The following CUBN variants were observed in gnomAD, a reference collection of about 807,000 sequenced individuals.
The protein encoded by CUBN is cubilin.
A neutral mutation model predicts 405.3 loss-of-function variants in CUBN; 282 were observed. That is an observed-to-expected ratio of 0.70 (90% confidence interval 0.63 to 0.77). The LOEUF is 0.77. Ranked by LOEUF, CUBN falls within the 30% of genes least tolerant of loss-of-function variation. CUBN has a pLI of 0.00. For missense variants in CUBN, 4,514 were observed against 4,475.2 expected (o/e 1.01, Z -0.25); for synonymous variants, 1,684 against 1,617.0 (o/e 1.04, Z -0.99).
intron 32 of CUBN, among the ~76,000 whole-genome samples, chr10:16,954,131 T>C (rs928903273): frequency 3.4e-4 from 52 of 152,272 alleles, no homozygotes; most frequent in Non-Finnish European, 7.1e-4. Flanking sequence ...GGATAAAACT[T>C]TTTTATACTG....
chr10:16,917,869 T>C (rs556491988), intron 45 of CUBN, among the ~76,000 whole-genome samples: 1 of 152,324 alleles, frequency 6.6e-6, no homozygotes, highest in East Asian at 1.9e-4. Flanking sequence ...ACATATTCAT[T>C]CTATAATAAC....
At chr10:16,846,530 C>T (rs966584594) in intron 60 of CUBN, among the ~76,000 whole-genome samples, 3 of 151,988 alleles carry the variant, frequency 2.0e-5, no homozygotes, top group Non-Finnish European at 2.9e-5. Flanking sequence ...AAAATATTGG[C>T]TATGAAAAGG....
chr10:17,032,161 G>C (rs1834801203), intron 27 of CUBN, among the ~76,000 whole-genome samples: 1 of 152,198 alleles, frequency 6.6e-6, no homozygotes, highest in African/African-American at 2.4e-5. Context: ...GTGTAAGGGT[G>C]AGAAACCATT....
At chr10:16,963,883 C>T (rs1381433110) in intron 31 of CUBN, among the ~76,000 whole-genome samples, 1 of 152,122 alleles carries the variant, frequency 6.6e-6, no homozygotes. Flanking sequence ...TGGATATATG[C>T]ATATAATGAA....
chr10:17,078,612 G>C (rs1835901950), intron 17 of CUBN, among the ~76,000 whole-genome samples: 1 of 152,070 alleles, frequency 6.6e-6, no homozygotes, highest in Non-Finnish European at 1.5e-5. Flanking sequence ...CCATTCCCTA[G>C]CATGGTGACT....
At chr10:17,009,975 C>A (rs1428731129) in intron 28 of CUBN, among the ~76,000 whole-genome samples, 3 of 152,228 alleles carry the variant, frequency 2.0e-5, no homozygotes, top group African/African-American at 7.2e-5. Flanking sequence ...TCTCATTTCT[C>A]CAGTCTCAAC....
At chr10:16,900,498 G>C in intron 53 of CUBN, 127 bp downstream of exon 53, 1 of 773,442 alleles carries the variant, frequency 1.3e-6, no homozygotes, top group Non-Finnish European at 2.3e-6. Context: ...CAGGGTTGCT[G>C]CATGAGATGA....
intron 51 of CUBN, among the ~76,000 whole-genome samples, chr10:16,903,150 T>C (rs1227688145): frequency 6.6e-6 from 1 of 152,200 alleles, no homozygotes; most frequent in Non-Finnish European, 1.5e-5. Context: ...AAATAAATCT[T>C]TCATATAATT....
At chr10:16,978,777 C>A (rs59711315) in intron 31 of CUBN, among the ~76,000 whole-genome samples, 1 of 151,890 alleles carries the variant, frequency 6.6e-6, no homozygotes. Flanking sequence ...TCAGGTAGCC[C>A]GGAACAAGAC....
At chr10:17,103,428 G>C (rs1456300560) in intron 12 of CUBN, among the ~76,000 whole-genome samples, 191 bp from the exon 13 acceptor site, 1 of 152,132 alleles carries the variant, frequency 6.6e-6, no homozygotes, top group Non-Finnish European at 1.5e-5. Flanking sequence ...CTTGTTCAAA[G>C]CTCAGCTGAT....
chr10:16,961,868 C>CGA (rs1306113392), intron 31 of CUBN, among the ~76,000 whole-genome samples: 1 of 151,890 alleles, frequency 6.6e-6, no homozygotes, highest in Non-Finnish European at 1.5e-5. Context: ...CCCGCCACTA[C>CGA]GCCTGGCTAA....
intron 27 of CUBN, among the ~76,000 whole-genome samples, chr10:17,021,713 C>T (rs1023783989): frequency 6.6e-6 from 1 of 152,182 alleles, no homozygotes; most frequent in Non-Finnish European, 1.5e-5. Context: ...AACTTTACCA[C>T]CAAATGTTAC....
intron 60 of CUBN, among the ~76,000 whole-genome samples, chr10:16,848,558 C>T (rs1839586352): frequency 6.6e-6 from 1 of 152,066 alleles, no homozygotes; most frequent in Non-Finnish European, 1.5e-5. Flanking sequence ...ATTTGTCTGA[C>T]AGCAAAATTG....
In CUBN at chr10:16,891,847, G is replaced by A. The variant is rs73592361; in HGVS notation, c.8599-1320C>T. Among the ~76,000 whole-genome samples, 1,514 of 152,246 alleles carry A rather than the reference G, an allele frequency of 9.9e-3. 25 individuals carry two copies. The highest frequency in any genetic ancestry group is 0.034 in the African/African-American group (1,411 of 41,532). ...TTCTATTGTCACACTCGGTGTGATG[G>A]GTAGTATCTAGTGGGTAGGGGCCAG... On this transcript the variant is annotated intron_variant, in intron 54 of 66. Coordinates refer to ENST00000377833, the MANE Select transcript of CUBN (RefSeq NM_001081.4).
intron 5 of CUBN, 189 bp downstream of exon 5, chr10:17,123,399 G>A (rs777914279): frequency 3.1e-5 from 20 of 635,728 alleles, no homozygotes; most frequent in Non-Finnish European, 5.2e-5. Context: ...AATGGCTTTA[G>A]TATTTGGTGG....
Position 16,824,541 on chromosome 10 carries a change from G to A in CUBN, c.*434C>T. ...TTTTTTTTGTTTCTTTTTTTTTTGA[G>A]ATGGAGTCTTGCCGTCTCGCCCAGG... On this transcript the variant is annotated 3_prime_UTR_variant, in exon 67 of 67. Transcript: ENST00000377833. 6.2e-6 allele frequency: 1 copy of A among 160,262 alleles called. No individual in the cohort carries two copies. The allele number at this position is 160,262 out of a possible 1,614,324, so 9.9% of individuals were successfully genotyped here.
chr10:17,084,749 A>G (rs1836066178), intron 16 of CUBN, among the ~76,000 whole-genome samples: 1 of 152,222 alleles, frequency 6.6e-6, no homozygotes, highest in Non-Finnish European at 1.5e-5. Context: ...GCTCTGCTTC[A>G]TTTCAATAAG....
In CUBN at chr10:16,928,311, G is replaced by C; in HGVS notation, c.6125-8C>G. On this transcript the variant is annotated splice_region_variant and splice_polypyrimidine_tract_variant and intron_variant, in intron 40 of 66. Transcript: ENST00000377833. ...GGGCCAAGTTATTATCTCCTACGTT[G>C]AAAGAAAGGGAACAACATGAAAATA... is the stretch of plus-strand genomic sequence containing the variant. 6.2e-7 allele frequency: 1 copy of C among 1,613,348 alleles called. No homozygotes were observed. The highest frequency in any genetic ancestry group is 1.7e-5 in the Admixed American group (1 of 59,948).
At chr10:16,826,751 T>C (rs1838796814) in intron 66 of CUBN, among the ~76,000 whole-genome samples, 2 of 152,222 alleles carry the variant, frequency 1.3e-5, no homozygotes, top group South Asian at 4.1e-4. Flanking sequence ...CGGTTTATAC[T>C]TGTTCAGTAT....
Sources: gnomAD v4.1 joint callset for allele counts (sites outside exome capture counted in the v4.1 genomes callset) on GRCh38, gnomAD v4.1.1 for gene constraint, MANE v1.5 for transcripts, NCBI Gene and HGNC (gene_info 2026-07-23, HGNC 2026-07-21) for gene names.